The following DOCK4 variants were observed in gnomAD, a reference collection of about 807,000 sequenced individuals.
The protein encoded by DOCK4 is dedicator of cytokinesis protein 4.
In DOCK4, 97 loss-of-function variants were observed where a neutral mutation model predicts 268.1. The observed-to-expected ratio is 0.36, with a 90% CI of 0.31 to 0.43. The LOEUF (loss-of-function observed/expected upper bound fraction) is 0.43, where lower values mean the gene tolerates loss of function less well. DOCK4 is among the 20% of genes least tolerant of loss of function. The probability of loss-of-function intolerance (pLI) is 1.00; values close to 1 mark genes in which losing one functional copy is unlikely to be tolerated. For missense variants in DOCK4, 2,145 were observed against 2,455.7 expected, an observed-to-expected ratio of 0.87 and a Z score of 2.67; for synonymous variants, 954 against 887.2, an observed-to-expected ratio of 1.08 and a Z score of -1.34.
rs1435347839 is a variant in DOCK4 at position 111,976,177 on chromosome 7, T to TATATACACAC, written c.701+954_701+955insGTGTGTATAT. Among the ~76,000 whole-genome samples, 28 of 89,160 alleles carry TATATACACAC rather than the reference T, an allele frequency of 3.1e-4. 1 individual carries two copies. The highest frequency in any genetic ancestry group is 1.7e-3 in the African/African-American group (24 of 14,164). 58.5% of individuals were successfully genotyped at this position (89,160 alleles called of 152,430 possible). A position where few individuals can be genotyped will look rare whatever the true frequency, so the allele number is the denominator to read the frequency against. On this transcript the variant is annotated intron_variant, in intron 8 of 52. Coordinates refer to ENST00000428084, the MANE Select transcript of DOCK4 (RefSeq NM_001363540.2). ...AAAAAAAAAAATATATATATATATA[T>TATATACACAC]ACACACACACACACGCACACACGCA...
In DOCK4 at chr7:111,900,423, C is replaced by A. The variant is rs762587585; in HGVS notation, c.1431G>T (p.Val477=). The change falls in exon 15 of 53, where the codon GTG becomes GTT. Residue 477 remains valine (V), a synonymous_variant. Transcript: ENST00000428084. ...GGATGTGTGCACCCCGGAATTTATC[C>A]ACAGGAATGGGAAGTTTCAGCAGTT... ...WSELLKLPIP[V]DKFRGAHIRF... The A allele has an allele frequency of 1.9e-6, 3 of 1,613,508 alleles. No individual in the cohort carries two copies. The South Asian group carries it at 3.3e-5, about 18-fold the overall frequency.
intron 1 of DOCK4, among the ~76,000 whole-genome samples, chr7:112,022,456 G>T (rs1802406930): frequency 6.6e-6 from 1 of 151,242 alleles, no homozygotes; most frequent in African/African-American, 2.5e-5. Flanking sequence ...CCTTGAGAGG[G>T]AAGCAGGCAC....
At chr7:112,016,829 A>G (rs1379846902) in intron 1 of DOCK4, among the ~76,000 whole-genome samples, 2 of 152,228 alleles carry the variant, frequency 1.3e-5, no homozygotes, top group East Asian at 3.8e-4. Flanking sequence ...CATTTATTTC[A>G]GAAAATGGAA....
At chr7:112,088,325 A>G (rs1809310892) in intron 1 of DOCK4, among the ~76,000 whole-genome samples, 1 of 152,192 alleles carries the variant, frequency 6.6e-6, no homozygotes, top group Admixed American at 6.5e-5. Flanking sequence ...TTCTTTTGGC[A>G]ACTGAAATAT....
At chr7:112,163,956 C>A (rs1817365094) in intron 1 of DOCK4, among the ~76,000 whole-genome samples, 1 of 152,150 alleles carries the variant, frequency 6.6e-6, no homozygotes, top group Admixed American at 6.6e-5. Context: ...ACATTTTAGT[C>A]CCTGAGAAGA....
chr7:111,760,746 G>C (rs1797345017), intron 39 of DOCK4, among the ~76,000 whole-genome samples: 1 of 68,474 alleles, frequency 1.5e-5, no homozygotes, highest in African/African-American at 9.0e-5. Flanking sequence ...TTTTGTGTGT[G>C]TGTGTGTGTG....
In DOCK4 at chr7:112,206,270, G is replaced by A; in HGVS notation, c.-132C>T. On this transcript the variant is annotated 5_prime_UTR_variant, in exon 1 of 53. Transcript: ENST00000428084. ...GCTTCGCGCGGGCTGCGGGCGCTGG[G>A]CAGGATCTGCGCTGGAGGCTCCCGA... 1 of 1,006,486 alleles carries A rather than the reference G, an allele frequency of 9.9e-7. No homozygotes were observed. The allele number at this position is 1,006,486 out of a possible 1,614,324, so 62.3% of individuals were successfully genotyped here.
At chr7:112,031,095 T>C (rs1372129728) in intron 1 of DOCK4, among the ~76,000 whole-genome samples, 1 of 152,188 alleles carries the variant, frequency 6.6e-6, no homozygotes, top group Non-Finnish European at 1.5e-5. Context: ...AGGAGCATCA[T>C]ACTACCACTA....
intron 10 of DOCK4, among the ~76,000 whole-genome samples, chr7:111,942,509 C>T (rs890263644): frequency 4.6e-5 from 7 of 152,316 alleles, no homozygotes; most frequent in South Asian, 4.1e-4. Context: ...GTTCTCTTCA[C>T]CGCCTTGCCT....
chr7:111,769,753 C>G, intron 36 of DOCK4, 76 bp from the exon 37 acceptor site: 1 of 1,494,478 alleles, frequency 6.7e-7, no homozygotes, highest in South Asian at 1.3e-5. Context: ...CAGTTTCCGA[C>G]AAACTGGGGA....
intron 8 of DOCK4, among the ~76,000 whole-genome samples, chr7:111,973,158 T>TGC (rs1193111770): frequency 3.2e-4 from 10 of 31,516 alleles, no homozygotes; most frequent in Non-Finnish European, 7.5e-4. Context: ...TTCCATGGCA[T>TGC]ATATATATAT....
intron 30 of DOCK4, among the ~76,000 whole-genome samples, chr7:111,796,929 T>C (rs1009063191): frequency 6.6e-6 from 1 of 152,140 alleles, no homozygotes; most frequent in African/African-American, 2.4e-5. Context: ...ACGTTTAACA[T>C]GGTGCCGAGA....
chr7:112,106,445 G>A (rs976772875), intron 1 of DOCK4, among the ~76,000 whole-genome samples: 4 of 152,186 alleles, frequency 2.6e-5, no homozygotes, highest in Non-Finnish European at 5.9e-5. Context: ...AGCTAAACAA[G>A]GCATTCTTTT....
chr7:111,947,508 T>C (rs914661025), intron 8 of DOCK4, among the ~76,000 whole-genome samples: 1 of 151,794 alleles, frequency 6.6e-6, no homozygotes, highest in Non-Finnish European at 1.5e-5. Context: ...AAGGCATGCA[T>C]GAAGAGAATA....
At chr7:111,949,569 C>G (rs1217059926) in intron 8 of DOCK4, among the ~76,000 whole-genome samples, 1 of 151,342 alleles carries the variant, frequency 6.6e-6, no homozygotes, top group Non-Finnish European at 1.5e-5. Context: ...TACAAACAGA[C>G]TGAAAATGGG....
intron 2 of DOCK4, among the ~76,000 whole-genome samples, chr7:112,001,565 C>CA: frequency 6.6e-6 from 1 of 151,640 alleles, no homozygotes; most frequent in East Asian, 1.9e-4. Context: ...AAAGAGAAGC[C>CA]ATAAAGTGCT....
At chr7:111,923,590 A>G (rs1793339234) in intron 12 of DOCK4, among the ~76,000 whole-genome samples, 2 of 152,180 alleles carry the variant, frequency 1.3e-5, no homozygotes, top group African/African-American at 4.8e-5. Flanking sequence ...AAAGTTATTT[A>G]ATTTATCCAG....
intron 1 of DOCK4, among the ~76,000 whole-genome samples, chr7:112,113,380 T>C (rs1457906921): frequency 1.3e-5 from 2 of 152,124 alleles, no homozygotes; most frequent in Non-Finnish European, 2.9e-5. Context: ...GAGGACTAAA[T>C]TGTAGTACCA....
chr7:111,854,369 GC>G (rs1259428452), intron 23 of DOCK4, among the ~76,000 whole-genome samples: 1 of 152,198 alleles, frequency 6.6e-6, no homozygotes, highest in Non-Finnish European at 1.5e-5. Context: ...GCAGCCCCCT[GC>G]CTGCTCAATC....
Sources: gnomAD v4.1 joint callset for allele counts (sites outside exome capture counted in the v4.1 genomes callset) on GRCh38, gnomAD v4.1.1 for gene constraint, MANE v1.5 for transcripts, NCBI Gene and HGNC (gene_info 2026-07-23, HGNC 2026-07-21) for gene names.